The following OR52E5 variants were observed in gnomAD, a reference collection of about 807,000 sequenced individuals.
The protein encoded by OR52E5 is olfactory receptor 52E5.
chr11:5,896,999 G>A (rs1847185375), intron 2 of OR52E5, among the ~76,000 whole-genome samples: 1 of 152,158 alleles, frequency 6.6e-6, no homozygotes. Flanking sequence ...TTTAGTAAAA[G>A]ACAAAATGTA....
chr11:5,894,504 A>G (rs940042282), intron 1 of OR52E5, among the ~76,000 whole-genome samples: 2 of 152,212 alleles, frequency 1.3e-5, no homozygotes, highest in Non-Finnish European at 2.9e-5. Flanking sequence ...ATGTTAATAA[A>G]TCTAGGCTAT....
chr11:5,900,428 C>G (rs1847233721), intron 2 of OR52E5, among the ~76,000 whole-genome samples: 1 of 151,916 alleles, frequency 6.6e-6, no homozygotes, highest in East Asian at 1.9e-4. Context: ...TCTTTACATC[C>G]TGATTAACAA....
intron 2 of OR52E5, among the ~76,000 whole-genome samples, chr11:5,898,111 G>C (rs369564530): frequency 6.6e-6 from 1 of 151,632 alleles, no homozygotes; most frequent in Admixed American, 6.6e-5. Flanking sequence ...CTCCCACCTC[G>C]GCCTCCCAAA....
intron 2 of OR52E5, 115 bp from the exon 3 acceptor site, chr11:5,900,517 G>T: frequency 3.2e-6 from 1 of 316,550 alleles, no homozygotes. Flanking sequence ...GGAAAGACAT[G>T]GGAAGTGCAG....
At chr11:5,895,135 G>C (rs749799242) in intron 1 of OR52E5, among the ~76,000 whole-genome samples, 1 of 152,118 alleles carries the variant, frequency 6.6e-6, no homozygotes, top group African/African-American at 2.4e-5. Context: ...TGAAAAGATT[G>C]CTAAGGCCAT....
Position 5,902,149 on chromosome 11 carries a change from G to A in OR52E5, c.*389G>A, listed in dbSNP as rs561539692. The stretch of plus-strand genomic sequence containing the variant: ...TACAGTGGCAAGAGAAATTAACTAG[G>A]AGTCATAAGATCTAGATTTAAATAC... On this transcript the variant is annotated 3_prime_UTR_variant, in exon 3 of 3. Coordinates refer to ENST00000610445, the MANE Select transcript of OR52E5 (RefSeq NM_001005166.5). 22 of 159,472 alleles carry A rather than the reference G, an allele frequency of 1.4e-4. No individual in the cohort carries two copies. Among genetic ancestry groups the A allele is most frequent in the African/African-American group, 5.0e-4 (21 of 41,848 alleles). 9.9% of individuals were successfully genotyped at this position (159,472 alleles called of 1,614,324 possible).
At chr11:5,899,170 T>A (rs1469250172) in intron 2 of OR52E5, among the ~76,000 whole-genome samples, 1 of 152,226 alleles carries the variant, frequency 6.6e-6, no homozygotes, top group African/African-American at 2.4e-5. Flanking sequence ...TATTTCTACA[T>A]ATTTTATTAT....
In OR52E5 at chr11:5,901,819, C is replaced by T. The variant is rs1173242892; in HGVS notation, c.*59C>T. The T allele has an allele frequency of 7.5e-6, 3 of 399,332 alleles. No homozygotes were observed. The East Asian group carries it at 1.1e-4, about 14-fold the overall frequency. The allele number at this position is 399,332 out of a possible 1,614,324, so 24.7% of individuals were successfully genotyped here. On this transcript the variant is annotated 3_prime_UTR_variant, in exon 3 of 3. Coordinates refer to ENST00000610445, the MANE Select transcript of OR52E5 (RefSeq NM_001005166.5). Reference sequence around the variant, plus strand: ...TTTTTTACTACTTCTCTTGCATTCCCACATGAGCCAATAGCATTATATCCC... The same window carrying T: ...TTTTTTACTACTTCTCTTGCATTCCTACATGAGCCAATAGCATTATATCCC...
intron 2 of OR52E5, among the ~76,000 whole-genome samples, chr11:5,897,227 T>C (rs1031249308): frequency 4.6e-5 from 7 of 152,132 alleles, no homozygotes; most frequent in African/African-American, 1.7e-4. Context: ...AGTGAACCCA[T>C]CACCCAAATA....
chr11:5,895,570 T>A (rs1847161865), intron 1 of OR52E5, 62 bp from the exon 2 acceptor site: 1 of 152,218 alleles, frequency 6.6e-6, no homozygotes, highest in African/African-American at 2.4e-5. Context: ...TATTTTTTAA[T>A]CTTTGTAAAT....
In OR52E5 at chr11:5,901,565, T is replaced by C; in HGVS notation, c.789T>C (p.Phe263=). 1 of 401,906 alleles carries C rather than the reference T, an allele frequency of 2.5e-6. No homozygotes were observed. Among genetic ancestry groups the C allele is most frequent in the Non-Finnish European group, 4.4e-6 (1 of 226,414 alleles). The allele number at this position is 401,906 out of a possible 1,614,324, so 24.9% of individuals were successfully genotyped here. A position where few individuals can be genotyped will look rare whatever the true frequency, so the allele number is the denominator to read the frequency against. Residue 263 remains phenylalanine, a synonymous_variant, in exon 3 of 3, where the codon TTT becomes TTC. Transcript: ENST00000610445. The part of the protein sequence containing the change: ...PALFSFMTHR[F]GHNIPHYIHI... ...TCTTTTCCTTCATGACACACCGCTT[T>C]GGCCACAACATCCCTCATTACATCC... is the stretch of plus-strand genomic sequence containing the variant.
intron 2 of OR52E5, among the ~76,000 whole-genome samples, chr11:5,896,089 A>T (rs1445673746): frequency 6.6e-6 from 1 of 151,538 alleles, no homozygotes; most frequent in African/African-American, 2.4e-5. Flanking sequence ...AAGTAGAAAA[A>T]CTAAAATGTA....
intron 1 of OR52E5, among the ~76,000 whole-genome samples, chr11:5,894,811 T>C (rs763862104): frequency 6.6e-6 from 1 of 152,146 alleles, no homozygotes; most frequent in Non-Finnish European, 1.5e-5. Context: ...AATATTTTCC[T>C]GCCATGAGAT....
intron 2 of OR52E5, among the ~76,000 whole-genome samples, chr11:5,896,573 G>C (rs963139301): frequency 1.3e-5 from 2 of 152,098 alleles, no homozygotes; most frequent in Non-Finnish European, 2.9e-5. Flanking sequence ...CAAGTGGTGA[G>C]TACAATAAAA....
chr11:5,900,374 TTACACA>T (rs906405604), intron 2 of OR52E5, among the ~76,000 whole-genome samples: 2 of 32,812 alleles, frequency 6.1e-5, no homozygotes, highest in African/African-American at 1.3e-4. Flanking sequence ...CAGTGACATT[TTACACA>T]CACACACACA....
At chr11:5,898,635 G>A (rs1050596627) in intron 2 of OR52E5, among the ~76,000 whole-genome samples, 3 of 152,126 alleles carry the variant, frequency 2.0e-5, no homozygotes, top group African/African-American at 7.2e-5. Context: ...AGAAGTAGGG[G>A]TCCAGTTTTA....
At chr11:5,899,801 C>G (rs1407332308) in intron 2 of OR52E5, among the ~76,000 whole-genome samples, 2 of 152,164 alleles carry the variant, frequency 1.3e-5, no homozygotes, top group African/African-American at 4.8e-5. Context: ...ACAAACCAGA[C>G]TCAACCACAA....
chr11:5,899,914 C>G (rs117228768), intron 2 of OR52E5, among the ~76,000 whole-genome samples: 2,233 of 152,280 alleles, frequency 0.015, 25 homozygotes, highest in Middle Eastern at 0.051. Context: ...AGCATTAATA[C>G]AAACTAGACT....
At chr11:5,898,830 T>C (rs1847211021) in intron 2 of OR52E5, among the ~76,000 whole-genome samples, 1 of 152,228 alleles carries the variant, frequency 6.6e-6, no homozygotes, top group Non-Finnish European at 1.5e-5. Flanking sequence ...CATGCTGTTT[T>C]GGCTACTGCA....
Sources: gnomAD v4.1 joint callset for allele counts (sites outside exome capture counted in the v4.1 genomes callset) on GRCh38, gnomAD v4.1.1 for gene constraint, MANE v1.5 for transcripts, NCBI Gene and HGNC (gene_info 2026-07-23, HGNC 2026-07-21) for gene names.